Variants in LIN7A observed in about 807,000 individuals in gnomAD.
LIN7A encodes protein lin-7 homolog A.
Under a neutral mutation model 29.8 loss-of-function variants are expected in LIN7A, and 25 were observed. The ratio of observed to expected loss-of-function variants is 0.84; its 90% CI spans 0.61 to 1.17. The LOEUF (loss-of-function observed/expected upper bound fraction) is 1.17. Ranked by LOEUF, LIN7A falls within the 50% of genes most tolerant of loss-of-function variation. The pLI, the probability that LIN7A is intolerant of heterozygous loss-of-function variation, is 0.00. For synonymous variants in LIN7A, 118 were observed against 107.5 expected, an observed-to-expected ratio of 1.10 and a Z score of -0.60; for missense variants, 239 against 287.0, an observed-to-expected ratio of 0.83 and a Z score of 1.21.
intron 2 of LIN7A, among the ~76,000 whole-genome samples, chr12:80,884,147 G>C (rs891647896): frequency 7.2e-5 from 11 of 152,092 alleles, no homozygotes; most frequent in African/African-American, 2.2e-4. Context: ...AATGGCTATA[G>C]GTACTTATAT....
chr12:80,810,026 C>T (rs1267702088), intron 5 of LIN7A, among the ~76,000 whole-genome samples: 1 of 152,162 alleles, frequency 6.6e-6, no homozygotes, highest in Non-Finnish European at 1.5e-5. Context: ...AGAATATTTA[C>T]AGTCCATTCT....
chr12:80,924,186 CAAAGG>C (rs1877457466), intron 1 of LIN7A, among the ~76,000 whole-genome samples: 1 of 152,054 alleles, frequency 6.6e-6, no homozygotes, highest in Admixed American at 6.6e-5. Flanking sequence ...AATGGCTAAG[CAAAGG>C]AAAGAATAAT....
chr12:80,923,932 GTTGTGAAGCTTGTTGCCTTATAAGTTTA>G (rs1408952262), intron 1 of LIN7A, among the ~76,000 whole-genome samples: 13 of 152,292 alleles, frequency 8.5e-5, no homozygotes, highest in Admixed American at 8.5e-4. Context: ...ATGAAAGTTT[GTTGTGAAGCTTGTTGCCTTATAAGTTTA>G]TTGTGAAGAT....
At chr12:80,850,828 T>C (rs1004521556) in intron 2 of LIN7A, among the ~76,000 whole-genome samples, 33 of 152,284 alleles carry the variant, frequency 2.2e-4, no homozygotes, top group African/African-American at 7.7e-4. Context: ...TAAATATTTG[T>C]TGGAGTAAAT....
At chr12:80,881,858 G>T (rs1334042699) in intron 2 of LIN7A, among the ~76,000 whole-genome samples, 1 of 152,012 alleles carries the variant, frequency 6.6e-6, no homozygotes, top group Non-Finnish European at 1.5e-5. Flanking sequence ...GTTATCCTTG[G>T]TTATTCTTCC....
chr12:80,874,043 T>C (rs1265138655), intron 2 of LIN7A, among the ~76,000 whole-genome samples: 1 of 152,146 alleles, frequency 6.6e-6, no homozygotes, highest in Non-Finnish European at 1.5e-5. Context: ...GATGTCCTAC[T>C]GTTGATCTGG....
At chr12:80,899,313 G>A (rs1466648217) in intron 1 of LIN7A, among the ~76,000 whole-genome samples, 1 of 152,162 alleles carries the variant, frequency 6.6e-6, no homozygotes, top group Admixed American at 6.5e-5. Flanking sequence ...AACCAACCTT[G>A]CATCCCAAGG....
chr12:80,931,580 G>A (rs1877908310), intron 1 of LIN7A, among the ~76,000 whole-genome samples: 1 of 150,654 alleles, frequency 6.6e-6, no homozygotes, highest in Non-Finnish European at 1.5e-5. Context: ...TGAGGTTGCA[G>A]TGAGCCGAGA....
intron 4 of LIN7A, among the ~76,000 whole-genome samples, chr12:80,836,707 T>C (rs545244751): frequency 2.0e-5 from 3 of 152,094 alleles, no homozygotes; most frequent in Non-Finnish European, 4.4e-5. Context: ...GTAGCTTCTC[T>C]TGTTCCATTA....
intron 4 of LIN7A, among the ~76,000 whole-genome samples, chr12:80,830,018 T>C (rs1829566147): frequency 6.6e-6 from 1 of 152,194 alleles, no homozygotes; most frequent in African/African-American, 2.4e-5. Context: ...CAGCCTAGTG[T>C]ACCTCACCCT....
chr12:80,846,038 T>A (rs1873062386), intron 3 of LIN7A, 99 bp from the exon 4 acceptor site: 1 of 987,734 alleles, frequency 1.0e-6, no homozygotes, highest in African/African-American at 1.7e-5. Context: ...ACTTCTCATA[T>A]TTTTATAGTA....
chr12:80,937,582 C>A, intron 1 of LIN7A, 59 bp downstream of exon 1: 2 of 1,241,078 alleles, frequency 1.6e-6, no homozygotes. Context: ...AATTGGCAGG[C>A]GGGGAAGGGA....
chr12:80,837,658 C>T (rs967736203), intron 4 of LIN7A, among the ~76,000 whole-genome samples: 4 of 152,094 alleles, frequency 2.6e-5, no homozygotes, highest in African/African-American at 4.8e-5. Flanking sequence ...GTTTAAAAAC[C>T]ACCGTGTGTG....
intron 2 of LIN7A, among the ~76,000 whole-genome samples, chr12:80,870,543 C>A (rs1874375037): frequency 6.6e-6 from 1 of 152,144 alleles, no homozygotes. Flanking sequence ...CTCATCACTT[C>A]CGTTCTTCTT....
At chr12:80,819,924 GT>G (rs1358394080) in intron 4 of LIN7A, among the ~76,000 whole-genome samples, 1 of 152,200 alleles carries the variant, frequency 6.6e-6, no homozygotes, top group African/African-American at 2.4e-5. Context: ...TTTGGTGTAA[GT>G]AGAAGTTTTC....
intron 4 of LIN7A, among the ~76,000 whole-genome samples, chr12:80,827,972 C>G (rs1347772161): frequency 6.6e-6 from 1 of 151,910 alleles, no homozygotes; most frequent in Non-Finnish European, 1.5e-5. Flanking sequence ...TTTTGTATGA[C>G]TAGCTTCTTC....
chr12:80,897,080 T>G (rs1215744054), intron 1 of LIN7A, among the ~76,000 whole-genome samples: 1 of 152,182 alleles, frequency 6.6e-6, no homozygotes, highest in Non-Finnish European at 1.5e-5. Flanking sequence ...TCTTCTTTCC[T>G]GTTTTTTTTA....
At chr12:80,925,772 G>A (rs1877550904) in intron 1 of LIN7A, among the ~76,000 whole-genome samples, 1 of 152,142 alleles carries the variant, frequency 6.6e-6, no homozygotes, top group Non-Finnish European at 1.5e-5. Flanking sequence ...CTCCAGAAAT[G>A]ACTTCTAGTG....
At chr12:80,807,054 G>T (rs951317584) in intron 5 of LIN7A, among the ~76,000 whole-genome samples, 4 of 100,944 alleles carry the variant, frequency 4.0e-5, no homozygotes, top group African/African-American at 1.7e-4. Context: ...GAAATTTAAT[G>T]AAGATGGAGT....
Sources: gnomAD v4.1 joint callset for allele counts (sites outside exome capture counted in the v4.1 genomes callset) on GRCh38, gnomAD v4.1.1 for gene constraint, MANE v1.5 for transcripts, NCBI Gene and HGNC (gene_info 2026-07-23, HGNC 2026-07-21) for gene names.